PDE7B: variants seen among roughly 807,000 people sequenced by gnomAD.
PDE7B encodes the protein 3',5'-cyclic-AMP phosphodiesterase 7B.
In PDE7B, 29 loss-of-function variants were observed where a neutral mutation model predicts 56.2. That is an observed-to-expected ratio of 0.52 (90% CI 0.38 to 0.70). PDE7B has a LOEUF of 0.70. PDE7B is among the 30% of genes least tolerant of loss of function. The probability of loss-of-function intolerance (pLI) is 0.00; values close to 1 mark genes in which losing one functional copy is unlikely to be tolerated. For synonymous variants in PDE7B, 197 were observed against 196.9 expected (o/e 1.00, Z 0.00); for missense variants, 490 against 565.0 (o/e 0.87, Z 1.35).
intron 3 of PDE7B, among the ~76,000 whole-genome samples, chr6:136,145,409 A>T (rs1053020664): frequency 1.3e-5 from 2 of 152,062 alleles, no homozygotes; most frequent in Non-Finnish European, 2.9e-5. Flanking sequence ...AGTTCATCTG[A>T]TACATTTTCC....
intron 2 of PDE7B, among the ~76,000 whole-genome samples, chr6:136,053,709 C>T (rs1014281225): frequency 1.1e-4 from 16 of 152,274 alleles, no homozygotes; most frequent in African/African-American, 3.6e-4. Context: ...TCCACATCCT[C>T]TCCAGCACCT....
intron 1 of PDE7B, among the ~76,000 whole-genome samples, chr6:135,935,601 C>G (rs1774407495): frequency 6.6e-6 from 1 of 152,066 alleles, no homozygotes; most frequent in Non-Finnish European, 1.5e-5. Context: ...AATGAATGAA[C>G]TATACAGAAA....
chr6:135,959,456 G>C (rs757559936), intron 2 of PDE7B, among the ~76,000 whole-genome samples: 1 of 152,100 alleles, frequency 6.6e-6, no homozygotes, highest in Non-Finnish European at 1.5e-5. Context: ...CATCTTGGAA[G>C]TATATATTGA....
chr6:136,156,161 A>AAG (rs1554283543), intron 8 of PDE7B: 83 of 240,236 alleles, frequency 3.5e-4, no homozygotes, highest in South Asian at 1.1e-3. Flanking sequence ...AGAATGATCC[A>AAG]AGTGTGTGTG....
At chr6:135,987,944 G>A (rs1216253900) in intron 2 of PDE7B, among the ~76,000 whole-genome samples, 1 of 152,170 alleles carries the variant, frequency 6.6e-6, no homozygotes, top group East Asian at 1.9e-4. Context: ...GGGGCAAAGG[G>A]AGACAAAAAT....
chr6:135,961,640 A>G (rs113503845), intron 2 of PDE7B, among the ~76,000 whole-genome samples: 1 of 152,188 alleles, frequency 6.6e-6, no homozygotes, highest in African/African-American at 2.4e-5. Flanking sequence ...CTGAATTAAT[A>G]GTTATTCTTT....
At chr6:136,000,934 A>G (rs1483045921) in intron 2 of PDE7B, among the ~76,000 whole-genome samples, 4 of 152,174 alleles carry the variant, frequency 2.6e-5, no homozygotes, top group Non-Finnish European at 4.4e-5. Flanking sequence ...GAGCAGCCTA[A>G]CTGGGAGGCA....
chr6:136,158,608 AAG>A (rs1310448235), intron 8 of PDE7B, among the ~76,000 whole-genome samples: 2 of 152,180 alleles, frequency 1.3e-5, no homozygotes, highest in African/African-American at 2.4e-5. Flanking sequence ...CCCTGAGATA[AAG>A]AGAGAGCAGG....
intron 2 of PDE7B, among the ~76,000 whole-genome samples, chr6:136,068,421 T>TC: frequency 7.4e-6 from 1 of 135,270 alleles, no homozygotes; most frequent in African/African-American, 2.8e-5. Context: ...AGACCAAGAT[T>TC]CCTTTTTTTT....
chr6:136,031,134 A>G (rs748121561), intron 2 of PDE7B, among the ~76,000 whole-genome samples: 1 of 152,250 alleles, frequency 6.6e-6, no homozygotes, highest in Non-Finnish European at 1.5e-5. Flanking sequence ...TAATAGGTGT[A>G]TCTGGAAAGA....
chr6:136,075,510 T>G lies in PDE7B; in HGVS notation c.83-33221T>G, dbSNP rs919106153. Among the ~76,000 whole-genome samples, 3 of 152,182 alleles carry G rather than the reference T, an allele frequency of 2.0e-5. No homozygotes were observed. In the East Asian group the frequency reaches 5.8e-4, roughly 29 times the overall value. On this transcript the variant is annotated intron_variant, in intron 2 of 12. Transcript: ENST00000308191. ...CTCCCACACTTGATACCAAGGATCC[T>G]AGCTGTCCCATTGTCTACCTCAGCT...
chr6:135,925,849 A>G (rs955091109), intron 1 of PDE7B, among the ~76,000 whole-genome samples: 1 of 152,026 alleles, frequency 6.6e-6, no homozygotes, highest in African/African-American at 2.4e-5. Context: ...CAAACTACAT[A>G]ATTTTTTTTA....
intron 2 of PDE7B, among the ~76,000 whole-genome samples, chr6:136,007,841 T>A (rs970923871): frequency 6.6e-6 from 1 of 152,106 alleles, no homozygotes; most frequent in African/African-American, 2.4e-5. Flanking sequence ...TCTTCTTTTT[T>A]TTTTATTATA....
chr6:136,058,106 T>A (rs2128212174), intron 2 of PDE7B, among the ~76,000 whole-genome samples: 1 of 152,268 alleles, frequency 6.6e-6, no homozygotes, highest in East Asian at 1.9e-4. Flanking sequence ...ACCACTGCTT[T>A]TTAGGAATCA....
chr6:135,919,629 T>C (rs1774027598), intron 1 of PDE7B, among the ~76,000 whole-genome samples: 1 of 152,224 alleles, frequency 6.6e-6, no homozygotes, highest in African/African-American at 2.4e-5. Context: ...TTCTTTTTCC[T>C]AGTGTTTCAA....
At chr6:135,949,029 T>C (rs1304513309) in intron 2 of PDE7B, among the ~76,000 whole-genome samples, 1 of 151,992 alleles carries the variant, frequency 6.6e-6, no homozygotes, top group Non-Finnish European at 1.5e-5. Flanking sequence ...AAATAATCTA[T>C]TCAACAATTA....
intron 1 of PDE7B, among the ~76,000 whole-genome samples, chr6:135,924,308 C>T (rs1231623397): frequency 6.6e-6 from 1 of 152,058 alleles, no homozygotes; most frequent in Non-Finnish European, 1.5e-5. Context: ...ATAGTCTATC[C>T]AAAGGATATT....
At chr6:135,869,641 T>G (rs1016977169) in intron 1 of PDE7B, among the ~76,000 whole-genome samples, 1 of 152,098 alleles carries the variant, frequency 6.6e-6, no homozygotes, top group African/African-American at 2.4e-5. Flanking sequence ...ATTTCAGAGA[T>G]TGCTAAATCT....
At chr6:136,037,872 T>G in intron 2 of PDE7B, 2 of 984,134 alleles carry the variant, frequency 2.0e-6, no homozygotes, top group Non-Finnish European at 2.4e-6. Flanking sequence ...AAGCAAATGC[T>G]AGAACCTCGA....
Sources: gnomAD v4.1 joint callset for allele counts (sites outside exome capture counted in the v4.1 genomes callset) on GRCh38, gnomAD v4.1.1 for gene constraint, MANE v1.5 for transcripts, NCBI Gene and HGNC (gene_info 2026-07-23, HGNC 2026-07-21) for gene names.